Variants in WDFY3 observed in about 807,000 individuals in gnomAD.
The protein encoded by WDFY3 is WD repeat and FYVE domain-containing protein 3.
In WDFY3, 66 loss-of-function variants were observed where a neutral mutation model predicts 409.6. That is an observed-to-expected ratio of 0.16 (90% CI 0.13 to 0.20). The LOEUF is 0.20. Ranked by LOEUF, WDFY3 falls within the 10% of genes least tolerant of loss-of-function variation. The pLI is 1.00. For synonymous variants in WDFY3, 1,521 were observed against 1,537.1 expected, an observed-to-expected ratio of 0.99 and a Z score of 0.25; for missense variants, 3,031 against 4,298.1, an observed-to-expected ratio of 0.71 and a Z score of 8.24.
intron 60 of WDFY3, among the ~76,000 whole-genome samples, chr4:84,690,953 C>T (rs1280852054): frequency 1.3e-5 from 2 of 152,078 alleles, no homozygotes; most frequent in Non-Finnish European, 2.9e-5. Context: ...ATTGTGTGAT[C>T]TATGGAAGGT....
chr4:84,950,491 T>C (rs767461658), intron 1 of WDFY3, among the ~76,000 whole-genome samples: 3 of 152,044 alleles, frequency 2.0e-5, no homozygotes, highest in Non-Finnish European at 4.4e-5. Flanking sequence ...TAATAGCATC[T>C]CATCATCTTA....
chr4:84,747,555 G>T lies in WDFY3; in HGVS notation c.5974-3756C>A, dbSNP rs534705770. Among the ~76,000 whole-genome samples, 22 of 152,208 alleles carry T rather than the reference G, an allele frequency of 1.4e-4. No individual in the cohort carries two copies. The South Asian group carries it at 4.6e-3, about 32-fold the overall frequency. On this transcript the variant is annotated intron_variant, in intron 36 of 67. Coordinates refer to ENST00000295888, the MANE Select transcript of WDFY3 (RefSeq NM_014991.6). ...AGTGAACTCCTCAGACCATAGCAAT[G>T]TGCTTATGTTGGCTGTATCCCCTAC...
At chr4:84,901,515 C>T (rs1366650890) in intron 2 of WDFY3, among the ~76,000 whole-genome samples, 1 of 152,140 alleles carries the variant, frequency 6.6e-6, no homozygotes, top group Non-Finnish European at 1.5e-5. Context: ...TCTCCATAAG[C>T]ATAAGAAATA....
At chr4:84,686,114 G>C (rs950525294) in intron 62 of WDFY3, among the ~76,000 whole-genome samples, 1 of 152,018 alleles carries the variant, frequency 6.6e-6, no homozygotes, top group Non-Finnish European at 1.5e-5. Flanking sequence ...AACCATCTTC[G>C]CTAACACGGT....
At chr4:84,770,663 A>C (rs1224732528) in intron 30 of WDFY3, among the ~76,000 whole-genome samples, 1 of 152,222 alleles carries the variant, frequency 6.6e-6, no homozygotes, top group Non-Finnish European at 1.5e-5. Flanking sequence ...GAAGAACCCA[A>C]GATCCTCACC....
rs1470222215 is a variant in WDFY3 at position 84,860,402 on chromosome 4, C to G, written c.180+10G>C. 6.2e-7 allele frequency: 1 copy of G among 1,605,436 alleles called. No individual in the cohort carries two copies. Among genetic ancestry groups the G allele is most frequent in the South Asian group, 1.1e-5 (1 of 90,452 alleles). On this transcript the variant is annotated intron_variant, in intron 4 of 67. Transcript: ENST00000295888. The stretch of plus-strand genomic sequence containing the variant: ...TCCCGGAAGGTGTGTGTCTGGCAAC[C>G]TGGACTTACCCTGTTAAACACTGGC...
chr4:84,760,089 T>C (rs1265845278), intron 32 of WDFY3, among the ~76,000 whole-genome samples: 3 of 151,208 alleles, frequency 2.0e-5, no homozygotes, highest in Non-Finnish European at 2.9e-5. Context: ...TGGTTCTGTT[T>C]ATATGCTGGA....
chr4:84,928,706 C>T (rs777021936), intron 2 of WDFY3, among the ~76,000 whole-genome samples: 2 of 152,096 alleles, frequency 1.3e-5, no homozygotes, highest in Non-Finnish European at 2.9e-5. Flanking sequence ...TGAAAATGAC[C>T]ACAAACAAGT....
chr4:84,941,729 G>A (rs535436296), intron 1 of WDFY3, among the ~76,000 whole-genome samples: 1 of 151,928 alleles, frequency 6.6e-6, no homozygotes, highest in Admixed American at 6.6e-5. Context: ...AAACGATTTG[G>A]AAACAAAACA....
At chr4:84,933,228 ACAAAATCATT>A (rs1415611434) in intron 1 of WDFY3, among the ~76,000 whole-genome samples, 1 of 152,122 alleles carries the variant, frequency 6.6e-6, no homozygotes, top group Non-Finnish European at 1.5e-5. Context: ...TATAGTTCAA[ACAAAATCATT>A]CAAAATCATT....
At chr4:84,910,769 G>A (rs945614644) in intron 2 of WDFY3, among the ~76,000 whole-genome samples, 10 of 152,086 alleles carry the variant, frequency 6.6e-5, no homozygotes, top group East Asian at 3.9e-4. Context: ...GCAGTGGTGC[G>A]ATCTTGGCTC....
intron 21 of WDFY3, among the ~76,000 whole-genome samples, chr4:84,790,137 G>A (rs1157560259): frequency 2.0e-5 from 3 of 151,942 alleles, no homozygotes; most frequent in Non-Finnish European, 4.4e-5. Context: ...ATCACCTGAC[G>A]TCAGGAGTTC....
rs757113037 is a variant in WDFY3, at chr4:84,766,346, C to T, written c.4876G>A (p.Val1626Ile). ...CTCAAAAGTATAAGATTAGCTGATA[C>T]AAGACCTCCAAACTCCTCTTCAGTT... The part of the protein sequence containing the change: ...TGTEEEFGGL[V>I]SANLILLRNR... Residue 1626 changes from valine to isoleucine, a missense_variant, in exon 31 of 68, where the codon GTA (valine) becomes ATA (isoleucine). By Grantham distance (29) the Val-to-Ile change is conservative (BLOSUM62 3). Coordinates refer to ENST00000295888, the MANE Select transcript of WDFY3 (RefSeq NM_014991.6). 5.7e-5 allele frequency: 91 copies of T among 1,601,038 alleles called. No individual in the cohort carries two copies. Among genetic ancestry groups the T allele is most frequent in the Non-Finnish European group, 7.2e-5 (85 of 1,176,460 alleles).
intron 3 of WDFY3, among the ~76,000 whole-genome samples, chr4:84,894,923 C>A (rs1376346042): frequency 7.3e-6 from 1 of 137,220 alleles, no homozygotes; most frequent in African/African-American, 2.8e-5. Flanking sequence ...GCACTCCAGG[C>A]TGGGCAACAG....
intron 35 of WDFY3, 142 bp from the exon 36 acceptor site, chr4:84,751,858 G>A (rs921160172): frequency 1.5e-5 from 13 of 841,830 alleles, no homozygotes; most frequent in African/African-American, 1.4e-4. Context: ...TGCTTTACTC[G>A]ACCCTTCCTT....
chr4:84,835,193 T>C (rs1756400509), intron 7 of WDFY3, among the ~76,000 whole-genome samples: 1 of 152,252 alleles, frequency 6.6e-6, no homozygotes, highest in Non-Finnish European at 1.5e-5. Context: ...TAAAAAACTT[T>C]GCTATGCTTA....
chr4:84,958,978 G>A (rs962169460), intron 1 of WDFY3, among the ~76,000 whole-genome samples: 2 of 152,138 alleles, frequency 1.3e-5, no homozygotes, highest in East Asian at 3.8e-4. Flanking sequence ...GTCACTGACA[G>A]TTATAATAAT....
intron 3 of WDFY3, among the ~76,000 whole-genome samples, chr4:84,885,012 G>T (rs1764009254): frequency 6.6e-6 from 1 of 152,014 alleles, no homozygotes; most frequent in Admixed American, 6.6e-5. Context: ...TGTTGTTGTT[G>T]TTGTCTGAGG....
intron 44 of WDFY3, among the ~76,000 whole-genome samples, chr4:84,731,177 T>C (rs543600310): frequency 9.8e-5 from 15 of 152,344 alleles, no homozygotes; most frequent in African/African-American, 3.6e-4. Flanking sequence ...ATGTGACCTG[T>C]GGGCCTCGGA....
Sources: gnomAD v4.1 joint callset for allele counts (sites outside exome capture counted in the v4.1 genomes callset) on GRCh38, gnomAD v4.1.1 for gene constraint, MANE v1.5 for transcripts, NCBI Gene and HGNC (gene_info 2026-07-23, HGNC 2026-07-21) for gene names.